The following KIF13A variants were observed in gnomAD, a reference collection of about 807,000 sequenced individuals.
KIF13A encodes kinesin family member 13A, also known as kinesin-like protein KIF13A.
Under a neutral mutation model 212.2 loss-of-function variants are expected in KIF13A, and 79 were observed. The observed-to-expected ratio is 0.37, with a 90% confidence interval of 0.31 to 0.45. The LOEUF (loss-of-function observed/expected upper bound fraction) is 0.45, where lower values mean the gene tolerates loss of function less well. Ranked by LOEUF, KIF13A falls within the 20% of genes least tolerant of loss-of-function variation. The probability of loss-of-function intolerance (pLI) is 1.00; values close to 1 mark genes in which losing one functional copy is unlikely to be tolerated. For missense variants in KIF13A, 1,901 were observed against 2,209.0 expected (o/e 0.86, Z 2.79); for synonymous variants, 789 against 808.6 (o/e 0.98, Z 0.41).
intron 2 of KIF13A, among the ~76,000 whole-genome samples, chr6:17,946,526 T>A (rs1205338509): frequency 1.3e-5 from 2 of 151,486 alleles, no homozygotes; most frequent in Non-Finnish European, 2.9e-5. Flanking sequence ...CGATAAAATA[T>A]ATGAAAAGAT....
At position 17,789,560 on chromosome 6, in the gene KIF13A, G is replaced by A. The variant is rs1234555478; in HGVS notation, c.3261+312C>T. The stretch of plus-strand genomic sequence containing the variant: ...GTTAATTAATTTGCAGGAGACAGGA[G>A]TTTTATTATTACTCAAATCAGTCTC... On this transcript the variant is annotated intron_variant, in intron 26 of 38. Transcript: ENST00000259711. The surrounding 1 kb of genome is among the most constrained non-coding windows in gnomAD (Gnocchi z 4.8). Among the ~76,000 whole-genome samples, 1 of 152,046 alleles carries A rather than the reference G, an allele frequency of 6.6e-6. No individual in the cohort carries two copies. Among genetic ancestry groups the A allele is most frequent in the African/African-American group, 2.4e-5 (1 of 41,394 alleles).
chr6:17,850,292 C>CA lies in KIF13A; in HGVS notation c.717+30dup. 6.3e-7 allele frequency: 1 copy of CA among 1,578,014 alleles called. No individual in the cohort carries two copies. Among genetic ancestry groups the CA allele is most frequent in the Non-Finnish European group, 8.6e-7 (1 of 1,159,110 alleles). On this transcript the variant is annotated intron_variant, in intron 8 of 38. Coordinates refer to ENST00000259711, the MANE Select transcript of KIF13A (RefSeq NM_022113.6). The surrounding 1 kb of genome is among the most constrained non-coding windows in gnomAD (Gnocchi z 6.2). ...TGGACACTTTCAGTTCTTCCACCCC[C>CA]ACTCCAAAAAGGTTCTGCCTAATCC...
In KIF13A at chr6:17,794,302, C is replaced by T. The variant is rs1278632122; in HGVS notation, c.3169G>A (p.Gly1057Ser). Reference sequence around the variant, plus strand: ...TTGGTGGACCTGGCAGTTACACAGCCGATGGATACTGACAGGATGGCTTCA... The same window carrying T: ...TTGGTGGACCTGGCAGTTACACAGCTGATGGATACTGACAGGATGGCTTCA... ...MVEAILSVSI[G>S]CVTARSTKLQ... The change falls in exon 25 of 39, where the codon GGC becomes AGC. Residue 1057 changes from glycine (G) to serine (S), a missense_variant. By Grantham distance (56) the Gly-to-Ser change is moderately conservative (BLOSUM62 0). Transcript: ENST00000259711. The surrounding 1 kb of genome is among the most constrained non-coding windows in gnomAD (Gnocchi z 4.1). 9 of 1,613,328 alleles carry T rather than the reference C, an allele frequency of 5.6e-6. No homozygotes were observed. Among genetic ancestry groups the T allele is most frequent in the Non-Finnish European group, 7.6e-6 (9 of 1,179,516 alleles).
Position 17,968,939 on chromosome 6 carries a change from C to G in KIF13A, c.146+18115G>C, listed in dbSNP as rs1779560895. 6.6e-6 allele frequency among the ~76,000 whole-genome samples: 1 copy of G among 152,182 alleles called. No individual in the cohort carries two copies. Among genetic ancestry groups the G allele is most frequent in the Admixed American group, 6.5e-5 (1 of 15,272 alleles). ...CAGACTCATCTACCTAGGCACAGCT[C>G]TTATAATAAAAGTCTATATCCATAT... On this transcript the variant is annotated intron_variant, in intron 2 of 38. Transcript: ENST00000259711. This position sits in a 1 kb window ranked among gnomAD's most constrained non-coding sequence, Gnocchi z 4.7.
intron 34 of KIF13A, among the ~76,000 whole-genome samples, chr6:17,775,889 C>CTTTTTTTTTTTTTTTTTTT (rs371250101): frequency 6.6e-6 from 1 of 150,996 alleles, no homozygotes; most frequent in Non-Finnish European, 1.5e-5. Flanking sequence ...TTTTTCTTCA[C>CTTTTTTTTTTTTTTTTTTT]TTTTTTTTTG....
Position 17,773,795 on chromosome 6 carries a change from TTATTA to T in KIF13A, c.4219-217_4219-213del, listed in dbSNP as rs1759702416. On this transcript the variant is annotated intron_variant, in intron 35 of 38. Transcript: ENST00000259711. The surrounding 1 kb of genome is among the most constrained non-coding windows in gnomAD (Gnocchi z 4.2). ...CCCGGAGTGAATACATGTTAATATT[TTATTA>T]TATTTGCTCAAGTTTAATAAAATTA... 6.6e-6 allele frequency among the ~76,000 whole-genome samples: 1 copy of T among 152,210 alleles called. No homozygotes were observed. Among genetic ancestry groups the T allele is most frequent in the Non-Finnish European group, 1.5e-5 (1 of 68,044 alleles).
In KIF13A at chr6:17,787,684, T is replaced by C. The variant is rs1761176391; in HGVS notation, c.3361+92A>G. On this transcript the variant is annotated intron_variant, in intron 27 of 38. Transcript: ENST00000259711. The surrounding 1 kb of genome is among the most constrained non-coding windows in gnomAD (Gnocchi z 4.6). Reference sequence around the variant, plus strand: ...AACAACAACAACAACAAAAATAAGATACTACTGTCCAGTTAGGGGAAGAAA... The same window carrying C: ...AACAACAACAACAACAAAAATAAGACACTACTGTCCAGTTAGGGGAAGAAA... The C allele has an allele frequency of 1.1e-5, 8 of 746,682 alleles. No homozygotes were observed. The highest frequency in any genetic ancestry group is 1.9e-5 in the Non-Finnish European group (8 of 418,072). The allele number at this position is 746,682 out of a possible 1,614,324, so 46.3% of individuals were successfully genotyped here.
intron 20 of KIF13A, among the ~76,000 whole-genome samples, chr6:17,802,336 G>GGCT (rs1038265764): frequency 1.3e-5 from 2 of 150,580 alleles, no homozygotes; most frequent in African/African-American, 4.9e-5. Context: ...TTGTTGCCCA[G>GGCT]GCTGGAGTGC....
chr6:17,774,773 CAA>C (rs111818221), intron 35 of KIF13A, among the ~76,000 whole-genome samples: 26 of 103,456 alleles, frequency 2.5e-4, no homozygotes, highest in Admixed American at 3.2e-4. Flanking sequence ...AACTCTGTCT[CAA>C]AAAAAAAAAA....
chr6:17,885,356 A>G (rs1379790167), intron 3 of KIF13A, among the ~76,000 whole-genome samples: 1 of 152,216 alleles, frequency 6.6e-6, no homozygotes, highest in African/African-American at 2.4e-5. Flanking sequence ...CCATTTAAAC[A>G]TATGTCAAGT....
At chr6:17,904,343 C>T (rs1314368008) in intron 2 of KIF13A, among the ~76,000 whole-genome samples, 12 of 151,908 alleles carry the variant, frequency 7.9e-5, no homozygotes, top group South Asian at 6.2e-4. Flanking sequence ...TGGCACATGC[C>T]TGTAATCCCA....
At position 17,839,971 on chromosome 6, in the gene KIF13A, T is replaced by C. The variant is rs1400855551; in HGVS notation, c.831-2388A>G. Reference sequence around the variant, plus strand: ...CTCAGTTTGTGGTAATCTGTTACAGTAGCAATAGCAATCGAACACAGCCAT... The same window carrying C: ...CTCAGTTTGTGGTAATCTGTTACAGCAGCAATAGCAATCGAACACAGCCAT... On this transcript the variant is annotated intron_variant, in intron 9 of 38. Coordinates refer to ENST00000259711, the MANE Select transcript of KIF13A (RefSeq NM_022113.6). The surrounding 1 kb of genome is among the most constrained non-coding windows in gnomAD (Gnocchi z 4.3). Among the ~76,000 whole-genome samples, 1 of 152,192 alleles carries C rather than the reference T, an allele frequency of 6.6e-6. No homozygotes were observed. The highest frequency in any genetic ancestry group is 1.9e-4 in the East Asian group (1 of 5,194).
Position 17,789,373 on chromosome 6 carries a change from CAA to C in KIF13A, c.3261+497_3261+498del, listed in dbSNP as rs921155315. Among the ~76,000 whole-genome samples the C allele has an allele frequency of 3.3e-5, 5 of 152,074 alleles. No individual in the cohort carries two copies. The highest frequency in any genetic ancestry group is 1.2e-4 in the African/African-American group (5 of 41,418). On this transcript the variant is annotated intron_variant, in intron 26 of 38. Transcript: ENST00000259711. The surrounding 1 kb of genome is among the most constrained non-coding windows in gnomAD (Gnocchi z 4.8). ...AAATGTCTCCAATTTTCCTATTCAG[CAA>C]AAGTCTTGTAAAGTAAAATGGCATA...
At position 17,771,944 on chromosome 6, in the gene KIF13A, C is replaced by T; in HGVS notation, c.4440G>A (p.Arg1480=). 1 of 1,613,978 alleles carries T rather than the reference C, an allele frequency of 6.2e-7. No individual in the cohort carries two copies. ...LMPVKEEHKK[R]IALEARPLLS... ...GAAGAGGCCTTGCTTCCAGGGCTAT[C>T]CTTTTCTTATGCTCCTCTTTTACAG... Residue 1480 remains arginine (R), a synonymous_variant, in exon 37 of 39, where the codon AGG becomes AGA. Coordinates refer to ENST00000259711, the MANE Select transcript of KIF13A (RefSeq NM_022113.6). The surrounding 1 kb of genome is among the most constrained non-coding windows in gnomAD (Gnocchi z 5.4).
intron 17 of KIF13A, chr6:17,815,564 C>A: frequency 9.5e-6 from 4 of 419,046 alleles, no homozygotes; most frequent in Non-Finnish European, 1.5e-5. Flanking sequence ...AGGGCTTACA[C>A]TTGTCTTCTG....
chr6:17,937,321 A>C (rs953458426), intron 2 of KIF13A, among the ~76,000 whole-genome samples: 4 of 152,240 alleles, frequency 2.6e-5, no homozygotes, highest in Non-Finnish European at 4.4e-5. Flanking sequence ...AGTTGGTCCT[A>C]AATTCAAGAG....
chr6:17,797,847 G>A (rs1383164363), intron 22 of KIF13A, among the ~76,000 whole-genome samples: 2 of 152,148 alleles, frequency 1.3e-5, no homozygotes, highest in Non-Finnish European at 2.9e-5. Flanking sequence ...GCAGTGAGCC[G>A]TGATTGTGCC....
rs546116627 is a variant in KIF13A, at chr6:17,783,868, G to A, written c.3489-167C>T. Among the ~76,000 whole-genome samples the A allele has an allele frequency of 3.3e-5, 5 of 152,140 alleles. No homozygotes were observed. In the South Asian group the frequency reaches 1.0e-3, roughly 32 times the overall value. On this transcript the variant is annotated intron_variant, in intron 28 of 38. Transcript: ENST00000259711. This position sits in a 1 kb window ranked among gnomAD's most constrained non-coding sequence, Gnocchi z 4.3. Reference sequence around the variant, plus strand: ...GACTTCCCTGTAGACATAAATCATGGGAATTATATGACTTACATAAAAGAA... The same window carrying A: ...GACTTCCCTGTAGACATAAATCATGAGAATTATATGACTTACATAAAAGAA...
At chr6:17,842,922 T>A (rs1335656587) in intron 9 of KIF13A, among the ~76,000 whole-genome samples, 2 of 152,096 alleles carry the variant, frequency 1.3e-5, no homozygotes, top group African/African-American at 2.4e-5. Context: ...CTCTGACCAT[T>A]AGATTTCTTT....
Sources: allele counts gnomAD v4.1 joint callset (sites outside exome capture counted in the v4.1 genomes callset), GRCh38; gene constraint gnomAD v4.1.1; non-coding constraint Gnocchi (gnomAD v3.1); transcripts MANE v1.5; gene names NCBI Gene and HGNC (gene_info 2026-07-23, HGNC 2026-07-21).